The following ADAMTS9 variants were observed in gnomAD, a reference collection of about 807,000 sequenced individuals.
The protein encoded by ADAMTS9 is ADAM metallopeptidase with thrombospondin type 1 motif 9.
A neutral mutation model predicts 257.1 loss-of-function variants in ADAMTS9; 107 were observed. The observed-to-expected ratio is 0.42, with a 90% CI of 0.36 to 0.49. The LOEUF is 0.49. Among genes scored for constraint, ADAMTS9 ranks in the 20% least tolerant of loss-of-function variants. The probability of loss-of-function intolerance (pLI) is 0.03; values close to 1 mark genes in which losing one functional copy is unlikely to be tolerated. For missense variants in ADAMTS9, 2,353 were observed against 2,469.1 expected (o/e 0.95, Z 1.00); for synonymous variants, 982 against 880.9 (o/e 1.11, Z -2.03).
At chr3:64,658,856 T>C in intron 3 of ADAMTS9, 65 bp from the exon 4 acceptor site, 1 of 1,485,282 alleles carries the variant, frequency 6.7e-7, no homozygotes, top group Non-Finnish European at 9.1e-7. Flanking sequence ...AAGAATTTAA[T>C]TTGACACATT....
At chr3:64,547,038 G>A (rs1170165602) in intron 31 of ADAMTS9, 86 bp from the exon 32 acceptor site, 1 of 1,172,666 alleles carries the variant, frequency 8.5e-7, no homozygotes, top group African/African-American at 1.5e-5. Flanking sequence ...ACCAAGCGCT[G>A]ACCGTGTGAC....
intron 21 of ADAMTS9, among the ~76,000 whole-genome samples, chr3:64,614,365 C>T (rs994996941): frequency 6.6e-6 from 1 of 152,208 alleles, no homozygotes; most frequent in Non-Finnish European, 1.5e-5. Flanking sequence ...GTCCAGGAAT[C>T]AGACACTGTT....
intron 19 of ADAMTS9, among the ~76,000 whole-genome samples, chr3:64,617,682 A>G (rs973357071): frequency 6.6e-6 from 1 of 152,226 alleles, no homozygotes; most frequent in East Asian, 1.9e-4. Context: ...TTGTGGGATT[A>G]AATAATTTTA....
At chr3:64,575,101 G>C (rs1194661372) in intron 28 of ADAMTS9, among the ~76,000 whole-genome samples, 1 of 152,116 alleles carries the variant, frequency 6.6e-6, no homozygotes, top group Non-Finnish European at 1.5e-5. Context: ...AACTCGTTGA[G>C]GCCTGCCAGA....
intron 3 of ADAMTS9, among the ~76,000 whole-genome samples, chr3:64,671,996 T>C (rs1280638700): frequency 6.6e-6 from 1 of 152,162 alleles, no homozygotes; most frequent in Non-Finnish European, 1.5e-5. Flanking sequence ...TATCCCCTCA[T>C]ATGAAGAAAC....
rs2084518120 is a variant in ADAMTS9, at chr3:64,604,239, C to T, written c.3567G>A (p.Gly1189=). Residue 1189 remains glycine (G), a synonymous_variant, in exon 24 of 40, where the codon GGG becomes GGA. Coordinates refer to ENST00000498707, the MANE Select transcript of ADAMTS9 (RefSeq NM_182920.2). The part of the protein sequence containing the change: ...YSAPRTQWRF[G]SWTPCSATCG... ...GTCTATTTCTTACTGGGGTCCAAGA[C>T]CCAAATCGCCACTGGGTTCTTGGTG... 6.2e-7 allele frequency: 1 copy of T among 1,613,206 alleles called. No homozygotes were observed. The highest frequency in any genetic ancestry group is 8.5e-7 in the Non-Finnish European group (1 of 1,179,606).
intron 39 of ADAMTS9, among the ~76,000 whole-genome samples, 158 bp downstream of exon 39, chr3:64,522,008 T>A (rs143160646): frequency 2.6e-5 from 4 of 152,232 alleles, no homozygotes; most frequent in Non-Finnish European, 5.9e-5. Flanking sequence ...TTCAGTCACG[T>A]GAGGACAGAG....
intron 28 of ADAMTS9, among the ~76,000 whole-genome samples, chr3:64,581,753 G>T (rs2084007449): frequency 6.6e-6 from 1 of 152,158 alleles, no homozygotes; most frequent in Non-Finnish European, 1.5e-5. Flanking sequence ...GGAAAACCAA[G>T]ATCTCTTCCA....
chr3:64,605,513 T>C (rs1006618105), intron 23 of ADAMTS9, among the ~76,000 whole-genome samples: 3 of 152,190 alleles, frequency 2.0e-5, no homozygotes, highest in African/African-American at 7.2e-5. Context: ...AGGCAGCAGA[T>C]TGAGGGTGTT....
chr3:64,610,281 T>A (rs1181731820), intron 22 of ADAMTS9, among the ~76,000 whole-genome samples: 1 of 152,140 alleles, frequency 6.6e-6, no homozygotes, highest in East Asian at 1.9e-4. Context: ...TAAAACCTTG[T>A]GCATTAAAGG....
chr3:64,654,250 A>G, intron 8 of ADAMTS9, 103 bp downstream of exon 8: 1 of 1,129,640 alleles, frequency 8.9e-7, no homozygotes, highest in African/African-American at 1.6e-5. Context: ...ATGACTCGGG[A>G]AGTCTCTTAC....
intron 11 of ADAMTS9, among the ~76,000 whole-genome samples, chr3:64,643,068 C>T (rs887191830): frequency 3.9e-5 from 6 of 152,188 alleles, no homozygotes; most frequent in African/African-American, 1.4e-4. Flanking sequence ...TATCTGAGGG[C>T]ACGTCCCTTT....
intron 28 of ADAMTS9, among the ~76,000 whole-genome samples, chr3:64,593,675 G>C (rs887076813): frequency 4.6e-5 from 7 of 152,214 alleles, no homozygotes; most frequent in Non-Finnish European, 1.0e-4. Context: ...GTGCAAGAGA[G>C]AGAACATTTC....
At position 64,687,805 on chromosome 3, in the gene ADAMTS9, C is replaced by T. The variant is rs1052768553; in HGVS notation, c.-148G>A. The T allele has an allele frequency of 3.6e-6, 2 of 559,180 alleles. No homozygotes were observed. Among genetic ancestry groups the T allele is most frequent in the South Asian group, 5.9e-5 (2 of 34,168 alleles). 34.6% of individuals were successfully genotyped at this position (559,180 alleles called of 1,614,324 possible). Reference sequence around the variant, plus strand: ...TTGACTTTAGGAGTCGCTGAGGTCTCGCTGCGAGGGTCCCGTCTGCGCTCG... The same window carrying T: ...TTGACTTTAGGAGTCGCTGAGGTCTTGCTGCGAGGGTCCCGTCTGCGCTCG... On this transcript the variant is annotated 5_prime_UTR_variant, in exon 1 of 40. Transcript: ENST00000498707. This position sits in a 1 kb window ranked among gnomAD's most constrained non-coding sequence, Gnocchi z 4.4.
In ADAMTS9 at chr3:64,670,543, T is replaced by A. The variant is rs117400753; in HGVS notation, c.679+10658A>T. Among the ~76,000 whole-genome samples, 415 of 152,274 alleles carry A rather than the reference T, an allele frequency of 2.7e-3. 7 individuals carry two copies. In the East Asian group the frequency reaches 0.03, roughly 11 times the overall value. On this transcript the variant is annotated intron_variant, in intron 3 of 39. Transcript: ENST00000498707. ...GGCGATAAAATAAAGAAGCTATGTA[T>A]GAAATAAGCATTTGCAAATTAAGAG... is the stretch of plus-strand genomic sequence containing the variant.
At position 64,649,644 on chromosome 3, in the gene ADAMTS9, G is replaced by C. The variant is rs1171733131; in HGVS notation, c.1598C>G (p.Pro533Arg). Residue 533 changes from proline to arginine, a missense_variant, in exon 10 of 40, where the codon CCA becomes CGA. Physicochemically the swap from Pro to Arg is moderately radical, Grantham distance 103 (BLOSUM62 -2). Coordinates refer to ENST00000498707, the MANE Select transcript of ADAMTS9 (RefSeq NM_182920.2). ...LIFGPGSQVC[P>R]YMMQCRRLWC... ...TGGCCCTCCTACACTTACCATATAT[G>C]GGCACACCTGAGAACCTGGTCCAAA... 1.2e-6 allele frequency: 2 copies of C among 1,612,972 alleles called. No individual in the cohort carries two copies. The highest frequency in any genetic ancestry group is 1.7e-6 in the Non-Finnish European group (2 of 1,179,500).
chr3:64,607,106 T>C (rs1576110898), intron 22 of ADAMTS9, 27 bp from the exon 23 acceptor site: 4 of 1,609,608 alleles, frequency 2.5e-6, no homozygotes, highest in Non-Finnish European at 2.5e-6. Flanking sequence ...AAAAGGTATA[T>C]ACAATTCAGC....
intron 28 of ADAMTS9, chr3:64,586,856 G>T (rs1391578199): frequency 1.3e-5 from 2 of 152,090 alleles, no homozygotes; most frequent in Non-Finnish European, 2.9e-5. Flanking sequence ...CACCTACTGG[G>T]TTCAATGAAT....
At chr3:64,561,065 CT>C (rs57577807) in intron 30 of ADAMTS9, among the ~76,000 whole-genome samples, 913 of 83,544 alleles carry the variant, frequency 0.011, 3 homozygotes, top group African/African-American at 0.016. Context: ...AGATACCATC[CT>C]TTTTTTTTTT....
Sources: gnomAD v4.1 joint callset for allele counts (sites outside exome capture counted in the v4.1 genomes callset) on GRCh38, gnomAD v4.1.1 for gene constraint, Gnocchi (gnomAD v3.1) non-coding constraint, MANE v1.5 for transcripts, NCBI Gene and HGNC (gene_info 2026-07-23, HGNC 2026-07-21) for gene names.